DPP8: variants seen among roughly 807,000 people sequenced by gnomAD.
DPP8 encodes the protein DPP VIII.
Under a neutral mutation model 107.5 loss-of-function variants are expected in DPP8, and 31 were observed. The ratio of observed to expected loss-of-function variants is 0.29; its 90% CI spans 0.22 to 0.39. The LOEUF is 0.39. DPP8 is among the 10% of genes least tolerant of loss of function. The probability of loss-of-function intolerance (pLI) is 1.00; values close to 1 mark genes in which losing one functional copy is unlikely to be tolerated. For missense variants in DPP8, 842 were observed against 1,076.1 expected (o/e 0.78, Z 3.04); for synonymous variants, 381 against 356.6 (o/e 1.07, Z -0.77).
chr15:65,466,625 G>A (rs1486196744), intron 14 of DPP8, 53 bp downstream of exon 14: 11 of 1,486,852 alleles, frequency 7.4e-6, no homozygotes, highest in Middle Eastern at 1.7e-4. Context: ...CACGTTTAGT[G>A]TACTAATATA....
At chr15:65,511,566 G>A (rs1389625232) in intron 2 of DPP8, among the ~76,000 whole-genome samples, 1 of 150,856 alleles carries the variant, frequency 6.6e-6, no homozygotes, top group Non-Finnish European at 1.5e-5. Flanking sequence ...TTTGAGCCTG[G>A]GAGGTCAAGG....
intron 16 of DPP8, 23 bp downstream of exon 16, chr15:65,456,202 A>T (rs374730963): frequency 6.3e-7 from 1 of 1,598,374 alleles, no homozygotes; most frequent in Non-Finnish European, 8.5e-7. Context: ...TCTGTAAAAG[A>T]AAAGTGTTTT....
intron 6 of DPP8, among the ~76,000 whole-genome samples, chr15:65,488,740 G>T (rs1596023975): frequency 6.6e-6 from 1 of 152,074 alleles, no homozygotes. Flanking sequence ...TATGTATTAG[G>T]CCACAATATA....
chr15:65,446,952 C>T lies in DPP8; in HGVS notation c.2581G>A (p.Glu861Lys). The T allele has an allele frequency of 6.2e-7, 1 of 1,611,780 alleles. No individual in the cohort carries two copies. Among genetic ancestry groups the T allele is most frequent in the Non-Finnish European group, 8.5e-7 (1 of 1,178,788 alleles). The change falls in exon 20 of 20, where the codon GAA becomes AAA. Residue 861 changes from glutamate (E) to lysine (K), a missense_variant. Glu to Lys is a moderately conservative substitution (Grantham distance 56). Coordinates refer to ENST00000300141, the MANE Select transcript of DPP8 (RefSeq NM_130434.5). ...IRVPESGEHY[E>K]LHLLHYLQEN... ...TGAAGGTAGTGCAAAAGATGCAGTT[C>T]ATAATGTTCTCCCGATTCAGGAACT...
At chr15:65,482,815 G>A (rs1234056276) in intron 8 of DPP8, among the ~76,000 whole-genome samples, 1 of 152,014 alleles carries the variant, frequency 6.6e-6, no homozygotes, top group Non-Finnish European at 1.5e-5. Flanking sequence ...ACACAATAGG[G>A]GCCGGGTGTG....
At chr15:65,479,505 TATTTAA>T (rs1463710984) in intron 10 of DPP8, among the ~76,000 whole-genome samples, 1 of 152,200 alleles carries the variant, frequency 6.6e-6, no homozygotes, top group East Asian at 1.9e-4. Flanking sequence ...TTTTGTATCT[TATTTAA>T]ATTTGTCTGC....
intron 15 of DPP8, chr15:65,458,590 G>T (rs2064643430): frequency 6.6e-6 from 1 of 152,124 alleles, no homozygotes; most frequent in African/African-American, 2.4e-5. Flanking sequence ...AAACACAGCT[G>T]TTAATAATGG....
intron 12 of DPP8, among the ~76,000 whole-genome samples, chr15:65,473,278 T>G (rs990094457): frequency 6.9e-6 from 1 of 145,258 alleles, no homozygotes; most frequent in Non-Finnish European, 1.5e-5. Context: ...TAAGCCAAGA[T>G]CATGCCACTG....
intron 17 of DPP8, among the ~76,000 whole-genome samples, chr15:65,453,311 G>T (rs138079213): frequency 6.6e-6 from 1 of 152,184 alleles, no homozygotes; most frequent in Non-Finnish European, 1.5e-5. Flanking sequence ...CATCAGGTAT[G>T]TTGTATGTGT....
At chr15:65,477,845 A>T (rs989046825) in intron 11 of DPP8, among the ~76,000 whole-genome samples, 2 of 151,982 alleles carry the variant, frequency 1.3e-5, no homozygotes, top group African/African-American at 4.8e-5. Context: ...TTCCACAATT[A>T]TTAAAAAGGA....
chr15:65,489,750 T>A (rs2067830192), intron 6 of DPP8, among the ~76,000 whole-genome samples: 1 of 150,496 alleles, frequency 6.6e-6, no homozygotes, highest in African/African-American at 2.5e-5. Context: ...AAAGTTTTGC[T>A]CTCATTGCCC....
Position 65,500,766 on chromosome 15 carries a change from T to C in DPP8, c.386A>G (p.Tyr129Cys), listed in dbSNP as rs761905622. ...LLDLFQATLD[Y>C]GMYSREEELL... is the part of the protein sequence containing the mutation. ...TTCTTCTTCTCGAGAATACATTCCATAGTCCAGTGTTGCCTAATGTGAAAG... is the reference window on the plus strand; with the variant it reads ...TTCTTCTTCTCGAGAATACATTCCACAGTCCAGTGTTGCCTAATGTGAAAG... The change falls in exon 4 of 20, where the codon TAT becomes TGT. Residue 129 changes from tyrosine (Y) to cysteine (C), a missense_variant. Around this residue, in one of 2 missense-constraint regions of DPP8, gnomAD observed 663 missense variants for 758.0 expected, o/e 0.87. Transcript: ENST00000300141. 9 of 1,613,016 alleles carry C rather than the reference T, an allele frequency of 5.6e-6. No individual in the cohort carries two copies. In the South Asian group the frequency reaches 9.9e-5, roughly 18 times the overall value.
At position 65,497,892 on chromosome 15, in the gene DPP8, T is replaced by C. The variant is rs1443395718; in HGVS notation, c.687A>G (p.Glu229=). 6.3e-7 allele frequency: 1 copy of C among 1,579,910 alleles called. No homozygotes were observed. The highest frequency in any genetic ancestry group is 8.6e-7 in the Non-Finnish European group (1 of 1,158,630). Residue 229 remains glutamate, a synonymous_variant, in exon 5 of 20, where the codon GAA becomes GAG. Coordinates refer to ENST00000300141, the MANE Select transcript of DPP8 (RefSeq NM_130434.5). The stretch of plus-strand genomic sequence containing the variant: ...TGTGCACATAAGTGAGTCTCCTTTC[T>C]TCTCTGGTTACGATGTTAGATATCC... The part of the protein sequence containing the change: ...DIWISNIVTR[E]ERRLTYVHNE...
At chr15:65,471,285 G>A (rs759427922) in intron 12 of DPP8, among the ~76,000 whole-genome samples, 4 of 152,076 alleles carry the variant, frequency 2.6e-5, no homozygotes, top group Non-Finnish European at 5.9e-5. Context: ...ATAACAAGAA[G>A]GCCACTTGAG....
At chr15:65,515,461 T>C (rs991698114) in intron 1 of DPP8, among the ~76,000 whole-genome samples, 2 of 152,212 alleles carry the variant, frequency 1.3e-5, no homozygotes, top group Non-Finnish European at 2.9e-5. Context: ...TGATATTATA[T>C]AATATTGGTA....
Position 65,497,967 on chromosome 15 carries a change from T to G in DPP8, c.612A>C (p.Leu204Phe). 1.2e-6 allele frequency: 2 copies of G among 1,612,008 alleles called. No individual in the cohort carries two copies. The highest frequency in any genetic ancestry group is 1.7e-6 in the Non-Finnish European group (2 of 1,178,650). Residue 204 changes from leucine to phenylalanine, a missense_variant, in exon 5 of 20, where the codon TTA becomes TTC. By Grantham distance (22) the Leu-to-Phe change is conservative. Transcript: ENST00000300141. ...SCPNIRMDPKLCPADPDWIAF... is the reference protein window; with the variant it reads ...SCPNIRMDPKFCPADPDWIAF... ...CAATCCAGTCTGGATCAGCAGGGCA[T>G]AATTTTGGATCCATCCGTATGTTGG...
intron 8 of DPP8, among the ~76,000 whole-genome samples, chr15:65,481,837 C>T (rs1567214467): frequency 6.6e-6 from 1 of 151,944 alleles, no homozygotes; most frequent in South Asian, 2.1e-4. Flanking sequence ...TTAACACAGC[C>T]TAAAAATCTA....
intron 8 of DPP8, among the ~76,000 whole-genome samples, chr15:65,484,714 T>A (rs957664881): frequency 6.6e-6 from 1 of 150,686 alleles, no homozygotes; most frequent in Admixed American, 6.6e-5. Flanking sequence ...CTTGTGTGCA[T>A]GCAGCTTATA....
chr15:65,484,578 G>A (rs1484750097), intron 8 of DPP8, among the ~76,000 whole-genome samples: 1 of 151,312 alleles, frequency 6.6e-6, no homozygotes, highest in African/African-American at 2.4e-5. Flanking sequence ...ACTGACTCGG[G>A]AGCCTCTCTC....
Sources: allele counts gnomAD v4.1 joint callset (sites outside exome capture counted in the v4.1 genomes callset), GRCh38; gene constraint gnomAD v4.1.1; regional missense constraint gnomAD v4.1.1; transcripts MANE v1.5; gene names NCBI Gene and HGNC (gene_info 2026-07-23, HGNC 2026-07-21).